Variants in SHROOM3 observed in about 807,000 individuals in gnomAD.
The protein encoded by SHROOM3 is shroom family member 3.
In SHROOM3, 47 loss-of-function variants were observed where a neutral mutation model predicts 138.6. The observed-to-expected ratio is 0.34, with a 90% CI of 0.27 to 0.43. The LOEUF (loss-of-function observed/expected upper bound fraction) is 0.43. SHROOM3 is among the 20% of genes least tolerant of loss of function. The pLI, the probability that SHROOM3 is intolerant of heterozygous loss-of-function variation, is 1.00. For missense variants in SHROOM3, 2,491 were observed against 2,596.5 expected (o/e 0.96, Z 0.88); for synonymous variants, 1,062 against 1,063.3 (o/e 1.00, Z 0.02).
intron 2 of SHROOM3, among the ~76,000 whole-genome samples, chr4:76,648,292 C>T (rs905030160): frequency 6.6e-6 from 1 of 152,140 alleles, no homozygotes; most frequent in Admixed American, 6.5e-5. Flanking sequence ...TGCACCACTG[C>T]ACTCTAGCCT....
intron 1 of SHROOM3, among the ~76,000 whole-genome samples, chr4:76,453,027 G>A (rs1223695304): frequency 1.3e-5 from 2 of 152,082 alleles, no homozygotes; most frequent in Non-Finnish European, 2.9e-5. Flanking sequence ...CTAGATATAT[G>A]TTTTTAATAA....
In SHROOM3 at chr4:76,522,296, A is replaced by G. The variant is rs140694370; in HGVS notation, c.169-33313A>G. On this transcript the variant is annotated intron_variant, in intron 1 of 10. Coordinates refer to ENST00000296043, the MANE Select transcript of SHROOM3 (RefSeq NM_020859.4). Reference sequence around the variant, plus strand: ...TATATTATATACTAATAAATATTATATACTAAAAAGTACCAGTGTAGCTTT... The same window carrying G: ...TATATTATATACTAATAAATATTATGTACTAAAAAGTACCAGTGTAGCTTT... Among the ~76,000 whole-genome samples the G allele has an allele frequency of 2.0e-3, 292 of 148,986 alleles. 4 individuals carry two copies. Among genetic ancestry groups the G allele is most frequent in the Admixed American group, 0.016 (236 of 14,884 alleles).
chr4:76,710,380 T>C, intron 3 of SHROOM3, 93 bp downstream of exon 3: 1 of 1,488,518 alleles, frequency 6.7e-7, no homozygotes, highest in Admixed American at 1.9e-5. Flanking sequence ...GGGGCAAGGA[T>C]GGTCAGGATA....
chr4:76,567,645 A>G (rs1161021326), intron 2 of SHROOM3, among the ~76,000 whole-genome samples: 1 of 152,114 alleles, frequency 6.6e-6, no homozygotes, highest in Non-Finnish European at 1.5e-5. Flanking sequence ...GCGAGACTCC[A>G]TCTCAAAAAA....
intron 3 of SHROOM3, among the ~76,000 whole-genome samples, chr4:76,729,679 G>A (rs2110127914): frequency 6.6e-6 from 1 of 152,288 alleles, no homozygotes; most frequent in Admixed American, 6.5e-5. Flanking sequence ...ACTCACATAA[G>A]GTCAGACAGC....
At chr4:76,756,094 A>C (rs1721801608) in intron 7 of SHROOM3, among the ~76,000 whole-genome samples, 1 of 152,212 alleles carries the variant, frequency 6.6e-6, no homozygotes, top group South Asian at 2.1e-4. Context: ...TGCTGGGCTC[A>C]GGAGCCCCTT....
chr4:76,494,191 T>C (rs1731917911), intron 1 of SHROOM3, among the ~76,000 whole-genome samples: 1 of 151,922 alleles, frequency 6.6e-6, no homozygotes, highest in Admixed American at 6.6e-5. Context: ...GTGGACTAGT[T>C]ATTTCTCAAC....
chr4:76,552,851 C>G (rs1406467745), intron 1 of SHROOM3, among the ~76,000 whole-genome samples: 1 of 151,456 alleles, frequency 6.6e-6, no homozygotes, highest in African/African-American at 2.4e-5. Flanking sequence ...TTTTGTTTTC[C>G]CCTTTACTTC....
intron 3 of SHROOM3, chr4:76,716,429 T>C (rs780192067): frequency 1.3e-5 from 7 of 518,818 alleles, no homozygotes; most frequent in Non-Finnish European, 2.7e-5. Flanking sequence ...AGTATTGTGT[T>C]AGAATGCGAT....
rs558289862 is a variant in SHROOM3, at chr4:76,608,541, A to G, written c.323+52778A>G. 2.3e-4 allele frequency among the ~76,000 whole-genome samples: 12 copies of G among 51,738 alleles called. No homozygotes were observed. In the East Asian group the frequency reaches 8.0e-3, roughly 35 times the overall value. The allele number at this position is 51,738 out of a possible 152,430, so 33.9% of individuals were successfully genotyped here. A position where few individuals can be genotyped will look rare whatever the true frequency, so the allele number is the denominator to read the frequency against. Reference sequence around the variant, plus strand: ...TTGGACAGAGATGGCATAGCATAGCATAGCATAGCATAGCATAGCATAGCA... The same window carrying G: ...TTGGACAGAGATGGCATAGCATAGCGTAGCATAGCATAGCATAGCATAGCA... On this transcript the variant is annotated intron_variant, in intron 2 of 10. Coordinates refer to ENST00000296043, the MANE Select transcript of SHROOM3 (RefSeq NM_020859.4).
At chr4:76,504,992 G>C (rs999127153) in intron 1 of SHROOM3, among the ~76,000 whole-genome samples, 11 of 152,180 alleles carry the variant, frequency 7.2e-5, no homozygotes, top group African/African-American at 2.7e-4. Flanking sequence ...TATTTAAGCA[G>C]TTTGATTCTC....
chr4:76,655,556 G>T (rs184085996), intron 2 of SHROOM3, among the ~76,000 whole-genome samples: 1 of 152,340 alleles, frequency 6.6e-6, no homozygotes, highest in Non-Finnish European at 1.5e-5. Flanking sequence ...TAAACACAAA[G>T]AAATTCCTGT....
intron 2 of SHROOM3, among the ~76,000 whole-genome samples, chr4:76,644,621 A>G (rs1418434582): frequency 6.6e-6 from 1 of 151,928 alleles, no homozygotes; most frequent in African/African-American, 2.4e-5. Flanking sequence ...ACATATATTT[A>G]AGGGATACAA....
chr4:76,610,963 C>A (rs190169285), intron 2 of SHROOM3, among the ~76,000 whole-genome samples: 1 of 152,150 alleles, frequency 6.6e-6, no homozygotes, highest in Admixed American at 6.5e-5. Flanking sequence ...TATTTCACAA[C>A]AATCTCAACC....
chr4:76,635,553 AT>A (rs1349927647), intron 2 of SHROOM3, among the ~76,000 whole-genome samples: 4 of 152,294 alleles, frequency 2.6e-5, no homozygotes, highest in African/African-American at 9.6e-5. Context: ...AATTCTAGAA[AT>A]GTGGAACTCA....
At chr4:76,455,046 G>T (rs889698795) in intron 1 of SHROOM3, among the ~76,000 whole-genome samples, 7 of 151,756 alleles carry the variant, frequency 4.6e-5, no homozygotes, top group African/African-American at 1.7e-4. Context: ...AGCTTTTTTT[G>T]GTGGAATCTT....
intron 2 of SHROOM3, among the ~76,000 whole-genome samples, chr4:76,702,775 G>A (rs1480193045): frequency 6.6e-6 from 1 of 152,138 alleles, no homozygotes; most frequent in East Asian, 1.9e-4. Flanking sequence ...CTTGTCCTGG[G>A]CTACTAGCTG....
rs1184062883 is a variant in SHROOM3, at chr4:76,734,038, C to A, written c.587+3103C>A. Among the ~76,000 whole-genome samples, 3 of 152,116 alleles carry A rather than the reference C, an allele frequency of 2.0e-5. No individual in the cohort carries two copies. The East Asian group carries it at 5.8e-4, about 29-fold the overall frequency. ...GACTGAAAAGTTATGTAGTCTAGCC[C>A]CCTGACAAGAGGCTGAAATAGCAGT... is the stretch of plus-strand genomic sequence containing the variant. On this transcript the variant is annotated intron_variant, in intron 4 of 10. Transcript: ENST00000296043.
chr4:76,523,468 A>T (rs73826218), intron 1 of SHROOM3, among the ~76,000 whole-genome samples: 4,258 of 152,278 alleles, frequency 0.028, 210 homozygotes, highest in African/African-American at 0.095. Flanking sequence ...ACAATGTAGC[A>T]AAATATTAAT....
Sources: gnomAD v4.1 joint callset for allele counts (sites outside exome capture counted in the v4.1 genomes callset) on GRCh38, gnomAD v4.1.1 for gene constraint, MANE v1.5 for transcripts, NCBI Gene and HGNC (gene_info 2026-07-23, HGNC 2026-07-21) for gene names.